The following CDH12 variants were observed in gnomAD, a reference collection of about 807,000 sequenced individuals.
CDH12 encodes cadherin 12.
CDH12 carries 41 observed loss-of-function variants against 74.1 expected under a neutral mutation model. The observed-to-expected ratio is 0.55, with a 90% confidence interval of 0.43 to 0.72. The LOEUF (loss-of-function observed/expected upper bound fraction) is 0.72, where lower values mean the gene tolerates loss of function less well. CDH12 is among the 30% of genes least tolerant of loss of function. The pLI is 0.00. For missense variants in CDH12, 945 were observed against 977.2 expected, an observed-to-expected ratio of 0.97 and a Z score of 0.44; for synonymous variants, 399 against 355.0, an observed-to-expected ratio of 1.12 and a Z score of -1.39.
chr5:22,063,233 T>A (rs1296076113), intron 5 of CDH12, among the ~76,000 whole-genome samples: 7 of 152,296 alleles, frequency 4.6e-5, no homozygotes, highest in Admixed American at 1.3e-4. Flanking sequence ...CATATAATTT[T>A]AAAAAACTGA....
intron 3 of CDH12, among the ~76,000 whole-genome samples, chr5:22,255,519 T>C (rs1255458456): frequency 6.6e-6 from 1 of 151,714 alleles, no homozygotes; most frequent in African/African-American, 2.4e-5. Flanking sequence ...TGGAAGACTA[T>C]TCAACATAAA....
At chr5:22,484,609 A>G (rs1746512868) in intron 2 of CDH12, among the ~76,000 whole-genome samples, 1 of 152,222 alleles carries the variant, frequency 6.6e-6, no homozygotes. Flanking sequence ...CCTTGAAGTA[A>G]AGGCAAACCT....
intron 6 of CDH12, among the ~76,000 whole-genome samples, chr5:21,887,164 AT>A (rs759766713): frequency 6.6e-6 from 1 of 152,098 alleles, no homozygotes; most frequent in Non-Finnish European, 1.5e-5. Context: ...TTATACTTCC[AT>A]TTTATCTTTC....
chr5:22,702,613 C>T (rs1243130924), intron 1 of CDH12, among the ~76,000 whole-genome samples: 1 of 151,876 alleles, frequency 6.6e-6, no homozygotes, highest in East Asian at 1.9e-4. Flanking sequence ...TATGAATGGG[C>T]TAAGAAGAAA....
At chr5:22,776,135 T>C (rs1361629733) in intron 1 of CDH12, among the ~76,000 whole-genome samples, 1 of 152,158 alleles carries the variant, frequency 6.6e-6, no homozygotes, top group Non-Finnish European at 1.5e-5. Flanking sequence ...ACACTTACAC[T>C]GCATGTTCAG....
intron 6 of CDH12, among the ~76,000 whole-genome samples, chr5:21,893,399 T>C (rs1026011076): frequency 2.6e-5 from 4 of 152,142 alleles, no homozygotes; most frequent in African/African-American, 9.7e-5. Flanking sequence ...GTTCAGAAAT[T>C]GGCCCATTAG....
rs1486992707 is a variant in CDH12 at position 22,009,904 on chromosome 5, G to T, written c.232-34519C>A. ...GAGGCAGGAGAATTGCTTGAACCTGGGAGGCAGAGGTTGCAGTGAGCCAAG... is the reference window on the plus strand; with the variant it reads ...GAGGCAGGAGAATTGCTTGAACCTGTGAGGCAGAGGTTGCAGTGAGCCAAG... On this transcript the variant is annotated intron_variant, in intron 5 of 14. Transcript: ENST00000382254. Among the ~76,000 whole-genome samples the T allele has an allele frequency of 3.5e-5, 5 of 142,212 alleles. No individual in the cohort carries two copies. The East Asian group carries it at 1.0e-3, about 29-fold the overall frequency. 93.3% of individuals were successfully genotyped at this position (142,212 alleles called of 152,430 possible). A position where few individuals can be genotyped will look rare whatever the true frequency, so the allele number is the denominator to read the frequency against.
At chr5:21,775,167 AC>A (rs1745520102) in intron 11 of CDH12, among the ~76,000 whole-genome samples, 1 of 152,172 alleles carries the variant, frequency 6.6e-6, no homozygotes, top group African/African-American at 2.4e-5. Flanking sequence ...AACTATTAAT[AC>A]CTTTTTTGAA....
chr5:22,340,786 G>T (rs1171540804), intron 3 of CDH12, among the ~76,000 whole-genome samples: 1 of 151,990 alleles, frequency 6.6e-6, no homozygotes, highest in Non-Finnish European at 1.5e-5. Flanking sequence ...AAATTTCTCT[G>T]GGAGGTTTTC....
chr5:22,386,404 C>T (rs1374158087), intron 3 of CDH12, among the ~76,000 whole-genome samples: 1 of 152,196 alleles, frequency 6.6e-6, no homozygotes, highest in Non-Finnish European at 1.5e-5. Context: ...CTTCTTTCAG[C>T]ACTTTTCTAC....
At chr5:21,863,857 T>C (rs1299741999) in intron 6 of CDH12, among the ~76,000 whole-genome samples, 1 of 152,164 alleles carries the variant, frequency 6.6e-6, no homozygotes, top group African/African-American at 2.4e-5. Context: ...AACTGATGCA[T>C]GTAACAAAAA....
chr5:22,287,132 G>C (rs1737173854), intron 3 of CDH12, among the ~76,000 whole-genome samples: 1 of 152,162 alleles, frequency 6.6e-6, no homozygotes, highest in Non-Finnish European at 1.5e-5. Context: ...TAAGAGAATA[G>C]AGAAGTAGAG....
intron 8 of CDH12, among the ~76,000 whole-genome samples, chr5:21,817,416 A>T (rs570780292): frequency 1.3e-5 from 2 of 152,242 alleles, no homozygotes; most frequent in East Asian, 3.9e-4. Context: ...CTTATATGGC[A>T]TAAAAGTGTA....
chr5:22,010,974 G>A (rs1194183585), intron 5 of CDH12, among the ~76,000 whole-genome samples: 3 of 152,046 alleles, frequency 2.0e-5, no homozygotes, highest in South Asian at 2.1e-4. Flanking sequence ...GCAAAGGTGA[G>A]ATGCCTTTTG....
rs561897388 is a variant in CDH12, at chr5:22,561,298, AG to A, written c.-522-55935del. ...AGACAAAGGCCACTCAATTAAAAAA[AG>A]TTTTGTCCTTACCCATATATAGGCA... On this transcript the variant is annotated intron_variant, in intron 1 of 14. Coordinates refer to ENST00000382254, the MANE Select transcript of CDH12 (RefSeq NM_004061.5). Among the ~76,000 whole-genome samples the A allele has an allele frequency of 1.9e-3, 296 of 152,300 alleles. 1 individual carries two copies. The highest frequency in any genetic ancestry group is 4.7e-3 in the Admixed American group (72 of 15,286).
At chr5:21,864,596 A>G (rs1751229766) in intron 6 of CDH12, among the ~76,000 whole-genome samples, 1 of 152,162 alleles carries the variant, frequency 6.6e-6, no homozygotes, top group Non-Finnish European at 1.5e-5. Context: ...TAGGTATTCT[A>G]TTACAGGAGC....
chr5:22,227,305 G>A (rs1474578692), intron 3 of CDH12, among the ~76,000 whole-genome samples: 2 of 151,984 alleles, frequency 1.3e-5, no homozygotes, highest in African/African-American at 4.8e-5. Flanking sequence ...GTGGAAGGGG[G>A]TCACTAGATA....
chr5:21,815,752 C>T (rs573415232), intron 9 of CDH12, among the ~76,000 whole-genome samples: 3 of 152,140 alleles, frequency 2.0e-5, no homozygotes, highest in Non-Finnish European at 4.4e-5. Context: ...CATCAGTATG[C>T]TTCCACTGTG....
chr5:22,544,225 T>G (rs1184486010), intron 1 of CDH12, among the ~76,000 whole-genome samples: 1 of 152,094 alleles, frequency 6.6e-6, no homozygotes, highest in Non-Finnish European at 1.5e-5. Context: ...CAGAGTAGTA[T>G]GAAATTAGAC....
Sources: gnomAD v4.1 joint callset for allele counts (sites outside exome capture counted in the v4.1 genomes callset) on GRCh38, gnomAD v4.1.1 for gene constraint, MANE v1.5 for transcripts, NCBI Gene and HGNC (gene_info 2026-07-23, HGNC 2026-07-21) for gene names.